Variants in TNPO3 observed in about 807,000 individuals in gnomAD.
The protein encoded by TNPO3 is transportin-3.
In TNPO3, 65 loss-of-function variants were observed where a neutral mutation model predicts 122.8. The observed-to-expected ratio is 0.53, with a 90% CI of 0.43 to 0.65. The LOEUF (loss-of-function observed/expected upper bound fraction) is 0.65, where lower values mean the gene tolerates loss of function less well. Ranked by LOEUF, TNPO3 falls within the 30% of genes least tolerant of loss-of-function variation. The pLI is 0.00. For missense variants in TNPO3, 850 were observed against 1,136.7 expected (o/e 0.75, Z 3.63); for synonymous variants, 372 against 411.2 (o/e 0.90, Z 1.15).
At chr7:129,020,655 G>C (rs1432989742) in intron 1 of TNPO3, among the ~76,000 whole-genome samples, 1 of 152,050 alleles carries the variant, frequency 6.6e-6, no homozygotes, top group Non-Finnish European at 1.5e-5. Context: ...TGCCCAGGCT[G>C]GTCTTGAACT....
At chr7:129,020,442 TTTTTA>T (rs1327121927) in intron 1 of TNPO3, among the ~76,000 whole-genome samples, 3 of 152,148 alleles carry the variant, frequency 2.0e-5, no homozygotes, top group Non-Finnish European at 4.4e-5. Flanking sequence ...TGTTAATATC[TTTTTA>T]TTTTATTTTT....
At chr7:128,958,435 G>A (rs6966382) in intron 21 of TNPO3, among the ~76,000 whole-genome samples, 2 of 152,058 alleles carry the variant, frequency 1.3e-5, no homozygotes, top group Non-Finnish European at 2.9e-5. Flanking sequence ...GAGCCACCGC[G>A]CCCAGCCAGG....
chr7:129,054,515 G>T, intron 1 of TNPO3, 136 bp downstream of exon 1: 1 of 1,377,978 alleles, frequency 7.3e-7, no homozygotes, highest in Non-Finnish European at 9.7e-7. Flanking sequence ...TAGCTTCGCA[G>T]CCCCACCCCA....
intron 16 of TNPO3, among the ~76,000 whole-genome samples, chr7:128,977,728 C>A (rs1171053814): frequency 1.3e-5 from 2 of 152,050 alleles, no homozygotes; most frequent in Non-Finnish European, 2.9e-5. Context: ...TCATGAATAG[C>A]TGGGACTACA....
At chr7:129,036,422 A>T (rs1806691058) in intron 1 of TNPO3, among the ~76,000 whole-genome samples, 1 of 152,260 alleles carries the variant, frequency 6.6e-6, no homozygotes, top group South Asian at 2.1e-4. Flanking sequence ...AAGAAAAAAA[A>T]ATACCCAGGT....
chr7:128,986,138 A>G (rs964262463), intron 12 of TNPO3, among the ~76,000 whole-genome samples: 1 of 152,248 alleles, frequency 6.6e-6, no homozygotes, highest in African/African-American at 2.4e-5. Context: ...TCCTTCTTTT[A>G]TAAGACCATC....
At chr7:129,018,275 C>T in intron 1 of TNPO3, 118 bp from the exon 2 acceptor site, 1 of 1,003,290 alleles carries the variant, frequency 1.0e-6, no homozygotes, top group Non-Finnish European at 1.4e-6. Flanking sequence ...AAAAATCTGA[C>T]AAGCTAAATT....
chr7:129,049,369 A>T (rs546020863), intron 1 of TNPO3, among the ~76,000 whole-genome samples: 1 of 152,352 alleles, frequency 6.6e-6, no homozygotes, highest in South Asian at 2.1e-4. Context: ...CAAGAGGAGA[A>T]GCAGCTGCAT....
At chr7:128,957,449 T>C (rs906460499) in intron 21 of TNPO3, 134 bp from the exon 22 acceptor site, 7 of 857,762 alleles carry the variant, frequency 8.2e-6, no homozygotes, top group African/African-American at 1.7e-5. Context: ...TCCTGAGCGA[T>C]CCTGGCTTCA....
intron 21 of TNPO3, among the ~76,000 whole-genome samples, chr7:128,964,930 C>A (rs1417489297): frequency 6.6e-6 from 1 of 152,104 alleles, no homozygotes; most frequent in South Asian, 2.1e-4. Context: ...ATACCACATA[C>A]AAAAATTAAC....
intron 1 of TNPO3, among the ~76,000 whole-genome samples, chr7:129,046,774 C>A (rs1584595514): frequency 6.6e-6 from 1 of 152,150 alleles, no homozygotes; most frequent in African/African-American, 2.4e-5. Context: ...GAAGGAAGAG[C>A]AAAGCGACGT....
At chr7:129,042,015 A>G (rs1230603755) in intron 1 of TNPO3, among the ~76,000 whole-genome samples, 1 of 152,152 alleles carries the variant, frequency 6.6e-6, no homozygotes, top group African/African-American at 2.4e-5. Context: ...AAAATCACTG[A>G]GCAGGCCCTC....
chr7:129,024,300 C>CCA (rs990819186), intron 1 of TNPO3, among the ~76,000 whole-genome samples: 5 of 152,156 alleles, frequency 3.3e-5, no homozygotes, highest in African/African-American at 9.7e-5. Flanking sequence ...GTCATTCCCA[C>CCA]CAGACTGTCA....
Position 129,015,001 on chromosome 7 carries a change from G to A in TNPO3, c.530C>T (p.Ser177Phe). ...TEIIEDLAFY[S>F]STVVSLLMTC... ...CACCAATAGAGATACTACTGTACTA[G>A]AGTAGAAGGCCAAATCTTCTATAAT... The change falls in exon 4 of 23, where the codon TCT (serine) becomes TTT (phenylalanine). Residue 177 changes from serine to phenylalanine, a missense_variant. Ser to Phe is a radical substitution (Grantham distance 155). Coordinates refer to ENST00000265388, the MANE Select transcript of TNPO3 (RefSeq NM_012470.4). The A allele has an allele frequency of 6.2e-7, 1 of 1,610,352 alleles. No homozygotes were observed. The highest frequency in any genetic ancestry group is 8.5e-7 in the Non-Finnish European group (1 of 1,179,388).
At chr7:129,008,139 ACT>A (rs1254096087) in intron 4 of TNPO3, among the ~76,000 whole-genome samples, 2 of 151,492 alleles carry the variant, frequency 1.3e-5, no homozygotes, top group African/African-American at 4.9e-5. Context: ...ACAGAGCAAG[ACT>A]CTGTCTAAAA....
chr7:129,003,878 C>T (rs1802281475), intron 5 of TNPO3, among the ~76,000 whole-genome samples: 1 of 152,136 alleles, frequency 6.6e-6, no homozygotes, highest in South Asian at 2.1e-4. Flanking sequence ...CCAGAAATTA[C>T]CACTGTTAAG....
intron 2 of TNPO3, among the ~76,000 whole-genome samples, chr7:129,017,544 T>C (rs528216965): frequency 1.3e-5 from 2 of 152,284 alleles, no homozygotes; most frequent in South Asian, 4.1e-4. Context: ...AGAGAACACA[T>C]GTGAGTACGT....
intron 4 of TNPO3, among the ~76,000 whole-genome samples, chr7:129,006,047 T>C (rs1392099817): frequency 6.6e-6 from 1 of 152,114 alleles, no homozygotes; most frequent in Non-Finnish European, 1.5e-5. Context: ...CCTCCCAAGG[T>C]GCTGGGATTA....
At position 128,989,995 on chromosome 7, in the gene TNPO3, C is replaced by T; in HGVS notation, c.1464G>A (p.Met488Ile). Residue 488 changes from methionine to isoleucine, a missense_variant, in exon 11 of 23, where the codon ATG (methionine) becomes ATA (isoleucine). Coordinates refer to ENST00000265388, the MANE Select transcript of TNPO3 (RefSeq NM_012470.4). Reference protein sequence around the residue: ...RYTSIELVGEMSEVVDRNPQF... With the variant: ...RYTSIELVGEISEVVDRNPQF... ...GAGGATTTCGATCAACGACTTCACTCATCTCTCCAACCAATTCAATGCTGG... is the reference window on the plus strand; with the variant it reads ...GAGGATTTCGATCAACGACTTCACTTATCTCTCCAACCAATTCAATGCTGG... 6.2e-7 allele frequency: 1 copy of T among 1,614,222 alleles called. No individual in the cohort carries two copies. The highest frequency in any genetic ancestry group is 1.3e-5 in the African/African-American group (1 of 75,060).
Sources: gnomAD v4.1 joint callset for allele counts (sites outside exome capture counted in the v4.1 genomes callset) on GRCh38, gnomAD v4.1.1 for gene constraint, MANE v1.5 for transcripts, NCBI Gene and HGNC (gene_info 2026-07-23, HGNC 2026-07-21) for gene names.